Variants in CFAP97 observed in about 807,000 individuals in gnomAD.
CFAP97 encodes cilia and flagella associated protein 97.
Under a neutral mutation model 43.1 loss-of-function variants are expected in CFAP97, and 36 were observed. The observed-to-expected ratio is 0.84, with a 90% CI of 0.64 to 1.10. The LOEUF (loss-of-function observed/expected upper bound fraction) is 1.10. Ranked by LOEUF, CFAP97 falls within the 50% of genes least tolerant of loss-of-function variation. The pLI, the probability that CFAP97 is intolerant of heterozygous loss-of-function variation, is 0.00. For missense variants in CFAP97, 657 were observed against 620.3 expected (o/e 1.06, Z -0.63); for synonymous variants, 228 against 225.7 (o/e 1.01, Z -0.09).
upstream of CFAP97, among the ~76,000 whole-genome samples, chr4:185,208,866 C>G (rs964668620): frequency 6.6e-6 from 1 of 152,212 alleles, no homozygotes; most frequent in Non-Finnish European, 1.5e-5. Flanking sequence ...ATCTACTTAG[C>G]AAGCGTTATC....
chr4:185,190,274 G>T lies in CFAP97; in HGVS notation c.923C>A (p.Ala308Asp). 6.2e-7 allele frequency: 1 copy of T among 1,611,820 alleles called. No homozygotes were observed. Among genetic ancestry groups the T allele is most frequent in the Non-Finnish European group, 8.5e-7 (1 of 1,178,708 alleles). ...CTCATGTTTTTCTTTCCCTTTTTTGGCTGCTTTCAAATATTTTGAATTATT... is the reference window on the plus strand; with the variant it reads ...CTCATGTTTTTCTTTCCCTTTTTTGTCTGCTTTCAAATATTTTGAATTATT... Reference protein sequence around the residue: ...LKNNSKYLKAAKKGKEKHEPD... With the variant: ...LKNNSKYLKADKKGKEKHEPD... The change falls in exon 2 of 5, where the codon GCC becomes GAC. Residue 308 changes from alanine (A) to aspartate (D), a missense_variant. Physicochemically the swap from Ala to Asp is moderately radical, Grantham distance 126. Transcript: ENST00000458385.
At chr4:185,206,922 C>A (rs1163437565), upstream of CFAP97, among the ~76,000 whole-genome samples, 1 of 152,140 alleles carries the variant, frequency 6.6e-6, no homozygotes, top group Non-Finnish European at 1.5e-5. Flanking sequence ...GCCTGAGAAC[C>A]CAGGAGGCTG....
At chr4:185,207,567 CT>C (rs141853362), upstream of CFAP97, among the ~76,000 whole-genome samples, 11 of 151,472 alleles carry the variant, frequency 7.3e-5, no homozygotes, top group South Asian at 4.2e-4. Context: ...AGAATTTAAC[CT>C]TTTTTTTTCT....
intron 1 of CFAP97, among the ~76,000 whole-genome samples, chr4:185,198,201 C>T (rs1214867389): frequency 6.6e-6 from 1 of 151,688 alleles, no homozygotes; most frequent in East Asian, 2.0e-4. Context: ...CCAACACTTC[C>T]GGAGGCTGAA....
upstream of CFAP97, among the ~76,000 whole-genome samples, chr4:185,208,427 G>A (rs1241945323): frequency 6.6e-6 from 1 of 152,106 alleles, no homozygotes; most frequent in African/African-American, 2.4e-5. Flanking sequence ...GACTTAGAAG[G>A]TTTAAGAAAG....
chr4:185,200,432 T>C (rs913148091), intron 1 of CFAP97, among the ~76,000 whole-genome samples: 4 of 151,968 alleles, frequency 2.6e-5, no homozygotes, highest in Non-Finnish European at 5.9e-5. Flanking sequence ...TTGAGGACAG[T>C]AGTTCGAGAC....
chr4:185,167,437 C>T (rs1037746716), intron 3 of CFAP97, among the ~76,000 whole-genome samples: 7 of 152,072 alleles, frequency 4.6e-5, no homozygotes, highest in African/African-American at 1.7e-4. Context: ...TAGACTCCAG[C>T]CTGGGTGACA....
chr4:185,166,859 A>C (rs1735090908), intron 3 of CFAP97, among the ~76,000 whole-genome samples: 1 of 152,198 alleles, frequency 6.6e-6, no homozygotes, highest in Non-Finnish European at 1.5e-5. Flanking sequence ...GATTACCCTA[A>C]ATTTTAAGGT....
At chr4:185,204,623 GCAGA>G (rs891117107), upstream of CFAP97, among the ~76,000 whole-genome samples, 15 of 152,214 alleles carry the variant, frequency 9.9e-5, no homozygotes, top group Admixed American at 9.2e-4. Context: ...ACCTTATGTG[GCAGA>G]CAGGATTTAG....
At chr4:185,166,530 G>A (rs1365916896) in intron 3 of CFAP97, among the ~76,000 whole-genome samples, 1 of 152,056 alleles carries the variant, frequency 6.6e-6, no homozygotes, top group African/African-American at 2.4e-5. Context: ...TATTTATTTG[G>A]TTGGATGAGT....
chr4:185,162,814 C>G lies in CFAP97; in HGVS notation c.1583G>C (p.Arg528Pro), dbSNP rs376547220. The G allele has an allele frequency of 1.2e-6, 2 of 1,612,768 alleles. No individual in the cohort carries two copies. Among genetic ancestry groups the G allele is most frequent in the Non-Finnish European group, 1.7e-6 (2 of 1,179,540 alleles). Reference protein sequence around the residue: ...PRRRPKPPNVRTAWL With the variant: ...PRRRPKPPNVPTAWL ...AAAAGTGTTTTATAACCAAGCTGTA[C>G]GGACATTAGGGGGTTTAGGTCTTCT... Residue 528 changes from arginine (R) to proline (P), a missense_variant, in exon 5 of 5, where the codon CGT becomes CCT. By Grantham distance (103) the Arg-to-Pro change is moderately radical. Coordinates refer to ENST00000458385, the MANE Select transcript of CFAP97 (RefSeq NM_020827.3).
chr4:185,182,191 G>A (rs1735817998), intron 2 of CFAP97: 1 of 151,790 alleles, frequency 6.6e-6, no homozygotes. Context: ...TAAATCTAGT[G>A]TGGTCAACGT....
chr4:185,186,965 C>CT (rs1474108233), intron 2 of CFAP97, among the ~76,000 whole-genome samples: 3 of 152,154 alleles, frequency 2.0e-5, no homozygotes, highest in Non-Finnish European at 2.9e-5. Context: ...AGCCTGCTGT[C>CT]TGTCAACCCA....
intron 1 of CFAP97, among the ~76,000 whole-genome samples, chr4:185,202,613 C>A (rs1319613656): frequency 2.0e-5 from 3 of 152,076 alleles, no homozygotes; most frequent in Non-Finnish European, 4.4e-5. Flanking sequence ...TTCCTGCCAT[C>A]TTCCCCCACC....
rs1341310086 is a variant in CFAP97, at chr4:185,164,099, A to G, written c.1401T>C (p.Asn467=). ...ATGGTGATGAGTTGAGATAGCCCAT[A>G]TTGCGATGATAGTCCATCAGTTGTT... ...RSEQLMDYHR[N]MGYLNSSPLS... The change falls in exon 4 of 5, where the codon AAT becomes AAC. Residue 467 remains asparagine, a synonymous_variant. Transcript: ENST00000458385. 1.9e-6 allele frequency: 3 copies of G among 1,614,000 alleles called. No homozygotes were observed. Among genetic ancestry groups the G allele is most frequent in the Non-Finnish European group, 2.5e-6 (3 of 1,179,864 alleles).
chr4:185,166,711 C>T (rs553786080), intron 3 of CFAP97, among the ~76,000 whole-genome samples: 26 of 152,282 alleles, frequency 1.7e-4, no homozygotes, highest in Admixed American at 9.2e-4. Flanking sequence ...AGAAATGATT[C>T]GGCTCATGTA....
intron 1 of CFAP97, 84 bp from the exon 2 acceptor site, chr4:185,191,296 A>G (rs1224874225): frequency 1.0e-6 from 1 of 983,510 alleles, no homozygotes; most frequent in African/African-American, 1.7e-5. Context: ...AATTTTCCCA[A>G]ACTGACAAGT....
chr4:185,208,996 A>AAAAAC (rs781325338), upstream of CFAP97, among the ~76,000 whole-genome samples: 11 of 152,290 alleles, frequency 7.2e-5, no homozygotes, highest in South Asian at 6.2e-4. Context: ...GTAAAAAACA[A>AAAAAC]AAAACAAAAC....
At chr4:185,210,090 C>T (rs1398177656), upstream of CFAP97, 2 of 980,866 alleles carry the variant, frequency 2.0e-6, no homozygotes, top group Non-Finnish European at 1.2e-6. This position sits in a 1 kb window ranked among gnomAD's most constrained non-coding sequence, Gnocchi z 4.4. Flanking sequence ...CGGGGCTGAG[C>T]TCCGTCCTGT....
Sources: gnomAD v4.1 joint callset for allele counts (sites outside exome capture counted in the v4.1 genomes callset) on GRCh38, gnomAD v4.1.1 for gene constraint, Gnocchi (gnomAD v3.1) non-coding constraint, MANE v1.5 for transcripts, NCBI Gene and HGNC (gene_info 2026-07-23, HGNC 2026-07-21) for gene names.